Variants in PTPRM observed in about 807,000 individuals in gnomAD.
PTPRM encodes the protein protein tyrosine phosphatase receptor type M, also known as receptor-type tyrosine-protein phosphatase mu.
A neutral mutation model predicts 186.7 loss-of-function variants in PTPRM; 47 were observed. The observed-to-expected ratio is 0.25, with a 90% CI of 0.20 to 0.32. The LOEUF is 0.32. PTPRM is among the 10% of genes least tolerant of loss of function. The probability of loss-of-function intolerance (pLI) is 1.00; values close to 1 mark genes in which losing one functional copy is unlikely to be tolerated. For missense variants in PTPRM, 1,494 were observed against 1,865.0 expected, an observed-to-expected ratio of 0.80 and a Z score of 3.66; for synonymous variants, 668 against 674.9, an observed-to-expected ratio of 0.99 and a Z score of 0.16.
At chr18:7,602,734 T>C (rs1261134324) in intron 1 of PTPRM, among the ~76,000 whole-genome samples, 1 of 151,350 alleles carries the variant, frequency 6.6e-6, no homozygotes, top group African/African-American at 2.4e-5. Flanking sequence ...CCATTTCTCC[T>C]TGCACTGTGA....
At chr18:8,177,211 A>G (rs1053976797) in intron 14 of PTPRM, among the ~76,000 whole-genome samples, 7 of 152,202 alleles carry the variant, frequency 4.6e-5, no homozygotes, top group Admixed American at 6.5e-5. Context: ...TTCTCAGCCA[A>G]CCATTCAACC....
intron 1 of PTPRM, among the ~76,000 whole-genome samples, chr18:7,696,060 C>G (rs886970828): frequency 6.6e-6 from 1 of 152,108 alleles, no homozygotes; most frequent in Non-Finnish European, 1.5e-5. Flanking sequence ...TTAGCATGAA[C>G]GTTTAAGTGT....
At chr18:8,359,182 A>C (rs979955595) in intron 23 of PTPRM, among the ~76,000 whole-genome samples, 2 of 152,258 alleles carry the variant, frequency 1.3e-5, no homozygotes, top group Non-Finnish European at 2.9e-5. Context: ...TATGTGCTAT[A>C]AGTCATCTGA....
At chr18:8,242,672 C>G (rs1352408069) in intron 14 of PTPRM, among the ~76,000 whole-genome samples, 1 of 152,160 alleles carries the variant, frequency 6.6e-6, no homozygotes, top group African/African-American at 2.4e-5. Context: ...AAAAAGGCAA[C>G]TTATTAATGA....
rs58193493 is a variant in PTPRM at position 7,835,188 on chromosome 18, CTTTTTTT to C, written c.197-52909_197-52903del. Among the ~76,000 whole-genome samples the C allele has an allele frequency of 3.4e-3, 429 of 127,660 alleles. 1 individual carries two copies. Among genetic ancestry groups the C allele is most frequent in the African/African-American group, 0.01 (376 of 36,208 alleles). 83.7% of individuals were successfully genotyped at this position (127,660 alleles called of 152,430 possible). ...TTTAAATTATTCGTTTGACATTTTT[CTTTTTTT>C]TTTTTTTTGTTGTAGGCACTTATAG... is the stretch of plus-strand genomic sequence containing the variant. On this transcript the variant is annotated intron_variant, in intron 2 of 32. Transcript: ENST00000580170.
At chr18:8,120,880 G>A (rs1372730538) in intron 13 of PTPRM, among the ~76,000 whole-genome samples, 2 of 152,166 alleles carry the variant, frequency 1.3e-5, no homozygotes, top group East Asian at 1.9e-4. Context: ...AACTGCATAG[G>A]AGTATTGGTT....
intron 7 of PTPRM, among the ~76,000 whole-genome samples, chr18:7,956,821 C>T (rs774330151): frequency 1.3e-5 from 2 of 152,172 alleles, no homozygotes; most frequent in African/African-American, 4.8e-5. Context: ...CAAACAATAG[C>T]TATGGATAAT....
At chr18:8,181,636 A>C (rs776308120) in intron 14 of PTPRM, among the ~76,000 whole-genome samples, 1 of 152,220 alleles carries the variant, frequency 6.6e-6, no homozygotes, top group South Asian at 2.1e-4. Flanking sequence ...CTGCTTGTGC[A>C]TCTTAGAAGA....
rs368609781 is a variant in PTPRM, at chr18:7,623,847, C to T, written c.73+55956C>T. 5.2e-4 allele frequency among the ~76,000 whole-genome samples: 79 copies of T among 152,284 alleles called. 1 individual carries two copies. The highest frequency in any genetic ancestry group is 1.8e-3 in the African/African-American group (74 of 41,570). ...TCCTAAAAAAACAAACTGGTGGCTG[C>T]AAGCTGGTCAGCCATGGAGGTGGAC... On this transcript the variant is annotated intron_variant, in intron 1 of 32. Coordinates refer to ENST00000580170, the MANE Select transcript of PTPRM (RefSeq NM_001105244.2).
chr18:8,379,422 G>A (rs1262245457), intron 28 of PTPRM, 82 bp downstream of exon 28: 2 of 1,337,450 alleles, frequency 1.5e-6, no homozygotes, highest in African/African-American at 3.0e-5. Flanking sequence ...TCCCCATTCT[G>A]CTCACCAGCC....
At chr18:7,919,426 A>G (rs568308628) in intron 4 of PTPRM, among the ~76,000 whole-genome samples, 1 of 152,172 alleles carries the variant, frequency 6.6e-6, no homozygotes, top group Non-Finnish European at 1.5e-5. Context: ...CATAACAGAA[A>G]TACAACATAC....
chr18:7,759,579 A>G (rs1009800262), intron 1 of PTPRM, among the ~76,000 whole-genome samples: 2 of 152,134 alleles, frequency 1.3e-5, no homozygotes, highest in African/African-American at 4.8e-5. Flanking sequence ...TTTTAAACTT[A>G]TTTTCCACCC....
At chr18:8,211,377 CTTTTTTTTTTTTTTTT>C (rs970926126) in intron 14 of PTPRM, among the ~76,000 whole-genome samples, 1 of 87,232 alleles carries the variant, frequency 1.1e-5, no homozygotes, top group Non-Finnish European at 2.1e-5. Context: ...GTCTCTTCTT[CTTTTTTTTTTTTTTTT>C]TTTTTTTTTG....
chr18:8,343,367 T>C (rs1387214416), intron 22 of PTPRM, 56 bp from the exon 23 acceptor site: 3 of 1,517,756 alleles, frequency 2.0e-6, no homozygotes, highest in Non-Finnish European at 2.7e-6. Context: ...GCCCCGGAAA[T>C]TTTCCAGTTG....
chr18:7,903,952 T>A (rs1172007114), intron 3 of PTPRM, among the ~76,000 whole-genome samples: 4 of 152,234 alleles, frequency 2.6e-5, no homozygotes, highest in Non-Finnish European at 5.9e-5. Flanking sequence ...AAAATTGAGT[T>A]TAAAGATTGC....
At chr18:8,147,811 T>A (rs508834) in intron 14 of PTPRM, among the ~76,000 whole-genome samples, 21 of 152,286 alleles carry the variant, frequency 1.4e-4, no homozygotes, top group Middle Eastern at 3.4e-3. Context: ...TTATTTCGGG[T>A]TGTGTTCCAC....
chr18:7,612,364 G>A (rs773910194), intron 1 of PTPRM, among the ~76,000 whole-genome samples: 1 of 151,916 alleles, frequency 6.6e-6, no homozygotes, highest in Non-Finnish European at 1.5e-5. Flanking sequence ...AAATCTTCAC[G>A]GCCTCATTTT....
In PTPRM at chr18:7,582,721, A is replaced by T. The variant is rs1267730717; in HGVS notation, c.73+14830A>T. On this transcript the variant is annotated intron_variant, in intron 1 of 32. Coordinates refer to ENST00000580170, the MANE Select transcript of PTPRM (RefSeq NM_001105244.2). ...GTTGGAAGAACTGCGTTCAAGGGCC[A>T]GCACTGCTGCTTACTGTCATCTGAA... is the stretch of plus-strand genomic sequence containing the variant. 4.6e-5 allele frequency among the ~76,000 whole-genome samples: 7 copies of T among 152,256 alleles called. No homozygotes were observed. In the East Asian group the frequency reaches 1.3e-3, roughly 29 times the overall value.
chr18:7,845,515 C>G (rs1354523133), intron 2 of PTPRM, among the ~76,000 whole-genome samples: 1 of 152,120 alleles, frequency 6.6e-6, no homozygotes. Flanking sequence ...TTCTTATGAT[C>G]AAATATTTTA....
Sources: allele counts gnomAD v4.1 joint callset (sites outside exome capture counted in the v4.1 genomes callset), GRCh38; gene constraint gnomAD v4.1.1; transcripts MANE v1.5; gene names NCBI Gene and HGNC (gene_info 2026-07-23, HGNC 2026-07-21).